The following IGF2BP1 variants were observed in gnomAD, a reference collection of about 807,000 sequenced individuals.
IGF2BP1 encodes the protein insulin-like growth factor 2 mRNA-binding protein 1.
In IGF2BP1, 11 loss-of-function variants were observed where a neutral mutation model predicts 74.9. The observed-to-expected ratio is 0.15, with a 90% CI of 0.09 to 0.24. The LOEUF is 0.24. Among genes scored for constraint, IGF2BP1 ranks in the 10% least tolerant of loss-of-function variants. IGF2BP1 has a pLI of 1.00. For missense variants in IGF2BP1, 440 were observed against 757.4 expected, an observed-to-expected ratio of 0.58 and a Z score of 4.92; for synonymous variants, 287 against 281.8, an observed-to-expected ratio of 1.02 and a Z score of -0.18.
At chr17:49,041,845 G>T (rs2042056353) in intron 8 of IGF2BP1, among the ~76,000 whole-genome samples, 1 of 152,216 alleles carries the variant, frequency 6.6e-6, no homozygotes, top group Non-Finnish European at 1.5e-5. Context: ...AGTGACCTTG[G>T]CCCTTTTCTG....
chr17:49,042,508 C>A (rs1017634872), intron 9 of IGF2BP1, 131 bp downstream of exon 9: 2 of 919,160 alleles, frequency 2.2e-6, no homozygotes, highest in Non-Finnish European at 3.4e-6. Context: ...TTTTGGACTT[C>A]GACTATCAGA....
At chr17:49,032,047 C>A in intron 5 of IGF2BP1, 74 bp downstream of exon 5, 1 of 1,365,270 alleles carries the variant, frequency 7.3e-7, no homozygotes, top group South Asian at 1.2e-5. Context: ...CCTGGTCCCA[C>A]TTTTTCCTCA....
At position 49,031,843 on chromosome 17, in the gene IGF2BP1, GTTGGGGATTCATTGA is replaced by G. The variant is rs564224354; in HGVS notation, c.338-61_338-47del. ...TGATCTCAAAACGTGGAAAGCTGGA[GTTGGGGATTCATTGA>G]TTGGGCCTCCAGATTTCCCTGCTCT... is the stretch of plus-strand genomic sequence containing the variant. On this transcript the variant is annotated intron_variant, in intron 4 of 14. Coordinates refer to ENST00000290341, the MANE Select transcript of IGF2BP1 (RefSeq NM_006546.4). 189 of 1,398,692 alleles carry G rather than the reference GTTGGGGATTCATTGA, an allele frequency of 1.4e-4. 1 individual carries two copies. Among genetic ancestry groups the G allele is most frequent in the Non-Finnish European group, 1.3e-4 (127 of 987,710 alleles). The allele number at this position is 1,398,692 out of a possible 1,614,324, so 86.6% of individuals were successfully genotyped here.
chr17:48,999,736 T>C (rs1203871220), intron 2 of IGF2BP1, among the ~76,000 whole-genome samples: 1 of 149,944 alleles, frequency 6.7e-6, no homozygotes, highest in African/African-American at 2.4e-5. Flanking sequence ...CAATCCCTCA[T>C]ATCTCACATC....
chr17:49,013,223 C>T (rs1429218995), intron 2 of IGF2BP1, among the ~76,000 whole-genome samples: 1 of 144,166 alleles, frequency 6.9e-6, no homozygotes, highest in Non-Finnish European at 1.5e-5. Context: ...TCATTCTCAC[C>T]CCCAAACAAA....
At chr17:49,040,538 ACCT>A (rs948912839) in intron 7 of IGF2BP1, among the ~76,000 whole-genome samples, 8 of 151,800 alleles carry the variant, frequency 5.3e-5, no homozygotes, top group African/African-American at 1.9e-4. Flanking sequence ...CTGTCGTATG[ACCT>A]CCTAGAAATT....
At chr17:49,039,087 A>G (rs1220849878) in intron 6 of IGF2BP1, among the ~76,000 whole-genome samples, 1 of 151,998 alleles carries the variant, frequency 6.6e-6, no homozygotes, top group Non-Finnish European at 1.5e-5. Flanking sequence ...CATGTTGATC[A>G]GGCTGGTTAC....
At chr17:49,034,750 A>AC (rs1195428182) in intron 5 of IGF2BP1, among the ~76,000 whole-genome samples, 2,027 of 125,350 alleles carry the variant, frequency 0.016, 53 homozygotes, top group African/African-American at 0.063. Context: ...AAAAACACAA[A>AC]AAAAACAAAA....
chr17:49,032,513 T>G (rs913655009), intron 5 of IGF2BP1, among the ~76,000 whole-genome samples: 4 of 152,210 alleles, frequency 2.6e-5, no homozygotes, highest in African/African-American at 9.7e-5. Flanking sequence ...TGAGCAATTA[T>G]GCGTCTCACT....
intron 2 of IGF2BP1, among the ~76,000 whole-genome samples, chr17:49,011,005 C>T (rs1189578407): frequency 6.6e-6 from 1 of 151,162 alleles, no homozygotes; most frequent in Non-Finnish European, 1.5e-5. Context: ...GGCATGGTGG[C>T]GCGCACCTGT....
At chr17:49,044,136 C>CT in intron 11 of IGF2BP1, 50 bp downstream of exon 11, 1 of 1,599,936 alleles carries the variant, frequency 6.3e-7, no homozygotes, top group Non-Finnish European at 8.5e-7. Context: ...GGGGTCTCTG[C>CT]TTTTATCACT....
intron 4 of IGF2BP1, among the ~76,000 whole-genome samples, chr17:49,026,768 T>C (rs998452829): frequency 6.8e-6 from 1 of 148,044 alleles, no homozygotes; most frequent in Admixed American, 6.7e-5. Context: ...TGCCTTCCTG[T>C]CTATCTTGCT....
At chr17:49,020,110 A>G (rs1217829447) in intron 2 of IGF2BP1, among the ~76,000 whole-genome samples, 2 of 150,566 alleles carry the variant, frequency 1.3e-5, no homozygotes, top group Admixed American at 1.3e-4. Context: ...CTGGAGTGCA[A>G]TGGTGCGATC....
At chr17:49,009,134 T>C (rs926161920) in intron 2 of IGF2BP1, among the ~76,000 whole-genome samples, 5 of 152,182 alleles carry the variant, frequency 3.3e-5, no homozygotes, top group African/African-American at 1.2e-4. Flanking sequence ...TTCAAGCGAT[T>C]CTCCTGCCTC....
chr17:49,030,879 T>G (rs1161249580), intron 4 of IGF2BP1, among the ~76,000 whole-genome samples: 1 of 152,176 alleles, frequency 6.6e-6, no homozygotes, highest in Non-Finnish European at 1.5e-5. Flanking sequence ...TCTACCCGCC[T>G]TGGCCTCCCA....
rs2144148931 is a variant in IGF2BP1 at position 49,046,430 on chromosome 17, G to A, written c.1641+57G>A. The A allele has an allele frequency of 3.0e-6, 4 of 1,311,488 alleles. No individual in the cohort carries two copies. The South Asian group carries it at 4.8e-5, about 16-fold the overall frequency. 81.2% of individuals were successfully genotyped at this position (1,311,488 alleles called of 1,614,324 possible). A position where few individuals can be genotyped will look rare whatever the true frequency, so the allele number is the denominator to read the frequency against. ...CTGCAGGAGCCCAGGGAGCAGAGAA[G>A]CAGAGACTCTATAGAGGTTGACCTT... is the stretch of plus-strand genomic sequence containing the variant. On this transcript the variant is annotated intron_variant, in intron 14 of 14. Transcript: ENST00000290341.
rs569738988 is a variant in IGF2BP1 at position 49,051,316 on chromosome 17, A to G, written c.*1872A>G. 23 of 152,760 alleles carry G rather than the reference A, an allele frequency of 1.5e-4. No individual in the cohort carries two copies. The highest frequency in any genetic ancestry group is 5.3e-4 in the African/African-American group (22 of 41,568). 9.5% of individuals were successfully genotyped at this position (152,760 alleles called of 1,614,324 possible). On this transcript the variant is annotated 3_prime_UTR_variant, in exon 15 of 15. Transcript: ENST00000290341. ...AACATGAGCCAGTAACCCTTTAGGA[A>G]CTCTCTATGGAGAACAGGCCTGGTG...
At chr17:49,026,574 G>A (rs980823075) in intron 4 of IGF2BP1, 57 bp downstream of exon 4, 1 of 1,417,390 alleles carries the variant, frequency 7.1e-7, no homozygotes, top group Non-Finnish European at 1.0e-6. Context: ...GGAGTTTGGT[G>A]CATTTGTTCT....
intron 4 of IGF2BP1, among the ~76,000 whole-genome samples, chr17:49,031,698 G>A (rs1598148298): frequency 1.3e-5 from 2 of 152,018 alleles, no homozygotes; most frequent in African/African-American, 4.8e-5. Context: ...AGTAGAGACA[G>A]GGTTTCACTG....
Sources: allele counts gnomAD v4.1 joint callset (sites outside exome capture counted in the v4.1 genomes callset), GRCh38; gene constraint gnomAD v4.1.1; transcripts MANE v1.5; gene names NCBI Gene and HGNC (gene_info 2026-07-23, HGNC 2026-07-21).